Variants in DAB1 observed in about 807,000 individuals in gnomAD.
The protein encoded by DAB1 is DAB adaptor protein 1.
DAB1 carries 15 observed loss-of-function variants against 64.6 expected under a neutral mutation model. The ratio of observed to expected loss-of-function variants is 0.23; its 90% confidence interval spans 0.16 to 0.36. The LOEUF is 0.36. Ranked by LOEUF, DAB1 falls within the 10% of genes least tolerant of loss-of-function variation. The pLI is 1.00. For synonymous variants in DAB1, 235 were observed against 251.9 expected (o/e 0.93, Z 0.64); for missense variants, 596 against 706.7 (o/e 0.84, Z 1.78).
At chr1:58,355,721 G>A (rs553129752) in intron 3 of DAB1, among the ~76,000 whole-genome samples, 32 of 152,194 alleles carry the variant, frequency 2.1e-4, no homozygotes, top group African/African-American at 5.3e-4. Context: ...GGTAGAAATC[G>A]TATGGGATAA....
chr1:57,076,491 T>C (rs1652004412), intron 4 of DAB1, among the ~76,000 whole-genome samples: 1 of 152,216 alleles, frequency 6.6e-6, no homozygotes, highest in African/African-American at 2.4e-5. Flanking sequence ...AAGTTGTCAC[T>C]AGAGAATTTC....
chr1:58,217,637 G>T (rs192967657), intron 4 of DAB1, among the ~76,000 whole-genome samples: 35 of 152,222 alleles, frequency 2.3e-4, no homozygotes, highest in African/African-American at 8.2e-4. Flanking sequence ...CTTTATAACC[G>T]CACTGGGATA....
chr1:58,300,630 G>GAGAGAGAGAC (rs1662126678), intron 4 of DAB1, among the ~76,000 whole-genome samples: 2 of 70,930 alleles, frequency 2.8e-5, no homozygotes, highest in African/African-American at 1.1e-4. Flanking sequence ...GAGAGAGAGA[G>GAGAGAGAGAC]AGAGAGAGAG....
chr1:58,291,778 A>T (rs1329857041), intron 4 of DAB1, among the ~76,000 whole-genome samples: 1 of 152,238 alleles, frequency 6.6e-6, no homozygotes, highest in Non-Finnish European at 1.5e-5. Context: ...CTAAGGTCAC[A>T]TAGCTAGAAA....
At chr1:57,191,130 C>T (rs1199796152) in intron 2 of DAB1, among the ~76,000 whole-genome samples, 4 of 152,146 alleles carry the variant, frequency 2.6e-5, no homozygotes, top group Non-Finnish European at 5.9e-5. Context: ...TACTGTGAAT[C>T]ATGAGTGATG....
At chr1:58,461,334 G>C (rs1336339411) in intron 3 of DAB1, among the ~76,000 whole-genome samples, 1 of 152,166 alleles carries the variant, frequency 6.6e-6, no homozygotes, top group African/African-American at 2.4e-5. Context: ...GATCAAAAAA[G>C]AGTGAAGACT....
intron 1 of DAB1, among the ~76,000 whole-genome samples, chr1:57,377,052 T>C (rs544167068): frequency 1.3e-5 from 2 of 152,206 alleles, no homozygotes; most frequent in Non-Finnish European, 2.9e-5. Context: ...GGCAGATCAC[T>C]TGAGTTCAGG....
intron 5 of DAB1, among the ~76,000 whole-genome samples, chr1:57,901,949 A>G (rs1257815006): frequency 6.6e-6 from 1 of 152,094 alleles, no homozygotes; most frequent in East Asian, 1.9e-4. Flanking sequence ...AAAAACAAAC[A>G]AACAAACAAA....
chr1:58,438,882 C>G (rs1220770566), intron 3 of DAB1, among the ~76,000 whole-genome samples: 1 of 152,168 alleles, frequency 6.6e-6, no homozygotes, highest in Non-Finnish European at 1.5e-5. Context: ...ATACTTGGAG[C>G]AGAAACCACT....
At position 57,424,043 on chromosome 1, in the gene DAB1, G is replaced by T; in HGVS notation, c.-250C>A. The T allele has an allele frequency of 6.6e-6, 1 of 152,338 alleles. No homozygotes were observed. The highest frequency in any genetic ancestry group is 1.9e-4 in the South Asian group (1 of 5,378). 9.4% of individuals were successfully genotyped at this position (152,338 alleles called of 1,614,324 possible). On this transcript the variant is annotated 5_prime_UTR_variant, in exon 1 of 15. Transcript: ENST00000371236. ...CTCTGCAGCCCGGGGAAGCCCGGGC[G>T]AGCGCCGAGCTGGGTCCATCCTCCC...
intron 4 of DAB1, among the ~76,000 whole-genome samples, chr1:57,095,796 G>A (rs1194121173): frequency 6.6e-6 from 1 of 152,106 alleles, no homozygotes; most frequent in East Asian, 1.9e-4. Flanking sequence ...AATAAAAGAA[G>A]GCCTCAAATG....
chr1:58,027,325 C>G (rs1646908974), intron 5 of DAB1, among the ~76,000 whole-genome samples: 1 of 152,144 alleles, frequency 6.6e-6, no homozygotes, highest in Non-Finnish European at 1.5e-5. Context: ...CCTCAGCCTC[C>G]CAAAGTGCTG....
intron 7 of DAB1, among the ~76,000 whole-genome samples, chr1:57,490,375 CTTTA>C (rs1644146710): frequency 6.6e-6 from 1 of 152,152 alleles, no homozygotes; most frequent in African/African-American, 2.4e-5. Context: ...TCAGTACTCA[CTTTA>C]TTATTTATTA....
At chr1:57,111,145 G>T (rs1557739794) in intron 4 of DAB1, among the ~76,000 whole-genome samples, 2 of 152,100 alleles carry the variant, frequency 1.3e-5, no homozygotes, top group Non-Finnish European at 1.5e-5. Flanking sequence ...GGTGGGCCTT[G>T]GATGGCGGAT....
chr1:57,226,672 A>ATATATATATATAT (rs1553158266), intron 2 of DAB1, among the ~76,000 whole-genome samples: 17 of 136,014 alleles, frequency 1.2e-4, no homozygotes, highest in African/African-American at 4.9e-4. Context: ...TTAAAAAAAA[A>ATATATATATATAT]ATATATATAT....
intron 6 of DAB1, among the ~76,000 whole-genome samples, chr1:57,692,977 G>T (rs1270371747): frequency 1.3e-5 from 2 of 151,968 alleles, no homozygotes; most frequent in African/African-American, 4.8e-5. Flanking sequence ...TCCCATAACA[G>T]CCATCTTGCT....
intron 8 of DAB1, among the ~76,000 whole-genome samples, chr1:57,068,844 C>G (rs1432937745): frequency 6.6e-6 from 1 of 152,100 alleles, no homozygotes; most frequent in East Asian, 1.9e-4. Flanking sequence ...TTTATAACAT[C>G]TTCATGAGAA....
intron 7 of DAB1, among the ~76,000 whole-genome samples, chr1:57,599,861 C>T (rs1230041808): frequency 1.3e-5 from 2 of 152,188 alleles, no homozygotes; most frequent in African/African-American, 4.8e-5. Flanking sequence ...CCTGACACTC[C>T]ATTCCGCTCT....
chr1:57,298,037 C>T (rs1320649186), intron 1 of DAB1, among the ~76,000 whole-genome samples: 1 of 152,202 alleles, frequency 6.6e-6, no homozygotes, highest in Non-Finnish European at 1.5e-5. Context: ...CTGCAGGTTC[C>T]TTTAATTACT....
Sources: gnomAD v4.1 joint callset for allele counts (sites outside exome capture counted in the v4.1 genomes callset) on GRCh38, gnomAD v4.1.1 for gene constraint, MANE v1.5 for transcripts, NCBI Gene and HGNC (gene_info 2026-07-23, HGNC 2026-07-21) for gene names.